The following TENM2 variants were observed in gnomAD, a reference collection of about 807,000 sequenced individuals.
TENM2 encodes teneurin transmembrane protein 2, also known as teneurin-2.
A neutral mutation model predicts 245.2 loss-of-function variants in TENM2; 52 were observed. The ratio of observed to expected loss-of-function variants is 0.21; its 90% CI spans 0.17 to 0.27. The LOEUF (loss-of-function observed/expected upper bound fraction) is 0.27. TENM2 is among the 10% of genes least tolerant of loss of function. TENM2 has a pLI of 1.00. For synonymous variants in TENM2, 1,363 were observed against 1,438.9 expected, an observed-to-expected ratio of 0.95 and a Z score of 1.19; for missense variants, 3,046 against 3,666.8, an observed-to-expected ratio of 0.83 and a Z score of 4.37.
chr5:167,318,977 T>C (rs1756548751), intron 1 of TENM2, among the ~76,000 whole-genome samples: 2 of 152,232 alleles, frequency 1.3e-5, no homozygotes, highest in African/African-American at 2.4e-5. Flanking sequence ...TAGCAGAATG[T>C]TATGCCTTGC....
chr5:167,899,040 G>A (rs529240001), intron 3 of TENM2, among the ~76,000 whole-genome samples: 27 of 152,144 alleles, frequency 1.8e-4, no homozygotes, highest in Non-Finnish European at 3.1e-4. Context: ...AGATAGAGAG[G>A]AATGAAGGGA....
rs1430335423 is a variant in TENM2, at chr5:167,297,453, A to T, written c.226+12390A>T. On this transcript the variant is annotated intron_variant, in intron 1 of 28. Coordinates refer to ENST00000518659, the Ensembl canonical transcript of TENM2. The stretch of plus-strand genomic sequence containing the variant: ...GTCAAACATTAAAAGTGAGGTTTTA[A>T]TTTGAGTACCTGGCTTGGAATGTAA... The T allele has an allele frequency of 2.6e-5, 4 of 152,200 alleles. No homozygotes were observed. The East Asian group carries it at 7.7e-4, about 29-fold the overall frequency. The allele number at this position is 152,200 out of a possible 1,614,324, so 9.4% of individuals were successfully genotyped here. A position where few individuals can be genotyped will look rare whatever the true frequency, so the allele number is the denominator to read the frequency against.
chr5:167,327,660 T>C (rs1757168994), intron 1 of TENM2, among the ~76,000 whole-genome samples: 1 of 152,150 alleles, frequency 6.6e-6, no homozygotes, highest in South Asian at 2.1e-4. Flanking sequence ...GGAATAATCA[T>C]TTCAAAAGAT....
At chr5:167,079,727 T>C in the TENM2 span, among the ~76,000 whole-genome samples, 5,987 of 152,308 alleles carry the variant, frequency 0.039, 157 homozygotes, top group South Asian at 0.091. Context: ...AAAGTTTATC[T>C]TCGAACTTCT....
At chr5:167,327,194 G>A (rs1009547073) in intron 1 of TENM2, among the ~76,000 whole-genome samples, 1 of 151,632 alleles carries the variant, frequency 6.6e-6, no homozygotes, top group African/African-American at 2.4e-5. Flanking sequence ...TCCCACAACA[G>A]GCCCCGGTGT....
rs544327564 is a variant in TENM2, at chr5:167,877,233, A to G, written c.712+1038A>G. 9.7e-4 allele frequency among the ~76,000 whole-genome samples: 147 copies of G among 152,270 alleles called. 1 individual carries two copies. Among genetic ancestry groups the G allele is most frequent in the African/African-American group, 3.4e-3 (140 of 41,548 alleles). On this transcript the variant is annotated intron_variant, in intron 3 of 28. Coordinates refer to ENST00000518659, the Ensembl canonical transcript of TENM2. ...TTGTGTTTAGGCTCCATCCAGGAGT[A>G]TATGCCACCCACCACTGGCCTCAAC...
At chr5:167,617,631 C>T (rs13156584) in intron 2 of TENM2, among the ~76,000 whole-genome samples, 13,384 of 152,226 alleles carry the variant, frequency 0.088, 838 homozygotes, top group Non-Finnish European at 0.13. Context: ...ATTTTGCAAG[C>T]ATTTCCTACC....
chr5:168,211,137 C>T (rs563260586), intron 19 of TENM2, among the ~76,000 whole-genome samples: 27 of 152,182 alleles, frequency 1.8e-4, no homozygotes, highest in Non-Finnish European at 3.7e-4. Flanking sequence ...TGACATGGAG[C>T]AGGGAAAGGA....
intron 3 of TENM2, among the ~76,000 whole-genome samples, chr5:167,932,980 G>A (rs1316821630): frequency 6.6e-6 from 1 of 152,118 alleles, no homozygotes; most frequent in African/African-American, 2.4e-5. Flanking sequence ...CCCAGCCTAA[G>A]CAGTGGCAAG....
At chr5:167,079,181 A>G in the TENM2 span, among the ~76,000 whole-genome samples, 1 of 151,854 alleles carries the variant, frequency 6.6e-6, no homozygotes, top group African/African-American at 2.4e-5. Flanking sequence ...ATTCACAAAT[A>G]TGGAATCCAC....
intron 2 of TENM2, among the ~76,000 whole-genome samples, chr5:167,480,545 G>T (rs1328139733): frequency 6.6e-6 from 1 of 152,154 alleles, no homozygotes; most frequent in African/African-American, 2.4e-5. Context: ...GTGCACCAAA[G>T]TTAGTGCTCT....
intron 2 of TENM2, among the ~76,000 whole-genome samples, chr5:167,666,427 A>C (rs1416610545): frequency 1.3e-5 from 2 of 152,222 alleles, no homozygotes; most frequent in Non-Finnish European, 2.9e-5. Context: ...CAGTTTACTT[A>C]AGCTCTCCAA....
At chr5:167,205,935 A>T in the TENM2 span, among the ~76,000 whole-genome samples, 1 of 152,122 alleles carries the variant, frequency 6.6e-6, no homozygotes, top group African/African-American at 2.4e-5. Flanking sequence ...TACTTTTTAT[A>T]CTGCTCTCAG....
intron 2 of TENM2, among the ~76,000 whole-genome samples, chr5:167,479,698 G>GT (rs1767635038): frequency 6.6e-6 from 1 of 152,030 alleles, no homozygotes; most frequent in Non-Finnish European, 1.5e-5. Flanking sequence ...TTGGCATCAC[G>GT]TTTTTTACTC....
chr5:167,485,259 G>A (rs916534654), intron 2 of TENM2, among the ~76,000 whole-genome samples: 2 of 152,138 alleles, frequency 1.3e-5, no homozygotes, highest in African/African-American at 4.8e-5. Context: ...GGCTCTAGAA[G>A]CCTCCAGATT....
intron 12 of TENM2, among the ~76,000 whole-genome samples, chr5:168,161,975 G>C (rs942775729): frequency 6.6e-6 from 1 of 151,928 alleles, no homozygotes; most frequent in African/African-American, 2.4e-5. Context: ...CACAGCCTTC[G>C]AATCCTGCAG....
chr5:168,212,369 G>A (rs889641855), intron 20 of TENM2, among the ~76,000 whole-genome samples: 6 of 152,076 alleles, frequency 3.9e-5, no homozygotes, highest in Non-Finnish European at 8.8e-5. Context: ...AACCACACTA[G>A]TACAATTCAC....
chr5:168,078,302 T>G (rs1013218184), intron 7 of TENM2, among the ~76,000 whole-genome samples: 2 of 152,242 alleles, frequency 1.3e-5, no homozygotes, highest in Non-Finnish European at 2.9e-5. Flanking sequence ...TACATTTGTT[T>G]AAGTTCCTTG....
At chr5:167,722,251 G>C (rs374115619) in intron 2 of TENM2, among the ~76,000 whole-genome samples, 2 of 152,170 alleles carry the variant, frequency 1.3e-5, no homozygotes, top group African/African-American at 2.4e-5. Context: ...ATGATTAGCC[G>C]TTAATATTTG....
Sources: allele counts gnomAD v4.1 joint callset (sites outside exome capture counted in the v4.1 genomes callset), GRCh38; gene constraint gnomAD v4.1.1; transcripts MANE v1.5; gene names NCBI Gene and HGNC (gene_info 2026-07-23, HGNC 2026-07-21).